The following CDK14 variants were observed in gnomAD, a reference collection of about 807,000 sequenced individuals.
The protein encoded by CDK14 is cyclin dependent kinase 14, also known as cyclin-dependent kinase 14.
A neutral mutation model predicts 60.7 loss-of-function variants in CDK14; 34 were observed. That is an observed-to-expected ratio of 0.56 (90% CI 0.43 to 0.75). The LOEUF (loss-of-function observed/expected upper bound fraction) is 0.75. Ranked by LOEUF, CDK14 falls within the 30% of genes least tolerant of loss-of-function variation. The probability of loss-of-function intolerance (pLI) is 0.00; values close to 1 mark genes in which losing one functional copy is unlikely to be tolerated. For synonymous variants in CDK14, 197 were observed against 203.7 expected, an observed-to-expected ratio of 0.97 and a Z score of 0.28; for missense variants, 482 against 564.1, an observed-to-expected ratio of 0.85 and a Z score of 1.47.
intron 14 of CDK14, among the ~76,000 whole-genome samples, chr7:91,177,566 G>T (rs1489300892): frequency 6.6e-6 from 1 of 152,112 alleles, no homozygotes; most frequent in East Asian, 1.9e-4. Context: ...AAACCCCATT[G>T]TCTCAGCCCG....
intron 2 of CDK14, among the ~76,000 whole-genome samples, chr7:90,613,286 C>T (rs560743537): frequency 9.9e-4 from 151 of 152,320 alleles, no homozygotes; most frequent in African/African-American, 3.6e-3. Context: ...GTAGTGTCCT[C>T]TTTCCGTTGT....
intron 5 of CDK14, among the ~76,000 whole-genome samples, chr7:90,809,191 C>G (rs897320638): frequency 1.3e-5 from 2 of 152,162 alleles, no homozygotes; most frequent in Non-Finnish European, 2.9e-5. Flanking sequence ...CCACACCACA[C>G]CTATTCCAAA....
At chr7:91,138,867 G>T (rs1441156349) in intron 14 of CDK14, among the ~76,000 whole-genome samples, 1 of 152,032 alleles carries the variant, frequency 6.6e-6, no homozygotes, top group Non-Finnish European at 1.5e-5. Context: ...TTGGAAACAG[G>T]GACTCCAGCA....
intron 2 of CDK14, among the ~76,000 whole-genome samples, chr7:90,615,439 G>C (rs1799631377): frequency 6.6e-6 from 1 of 152,202 alleles, no homozygotes; most frequent in Non-Finnish European, 1.5e-5. Context: ...ATGTTTTTCA[G>C]AGTTTGGGAA....
chr7:90,811,650 C>G (rs1583997198), intron 5 of CDK14, among the ~76,000 whole-genome samples: 2 of 151,554 alleles, frequency 1.3e-5, no homozygotes, highest in South Asian at 4.2e-4. Flanking sequence ...TTCTGCACAG[C>G]AAAAGAAACT....
intron 9 of CDK14, among the ~76,000 whole-genome samples, chr7:90,973,438 T>C (rs1394307167): frequency 1.3e-5 from 2 of 152,130 alleles, no homozygotes; most frequent in Admixed American, 1.3e-4. Context: ...AACACATGGA[T>C]GCAATAAAAA....
At position 91,078,051 on chromosome 7, in the gene CDK14, C is replaced by T. The variant is rs538524754; in HGVS notation, c.1106-1381C>T. ...TGGAGAAAGTGACATACTTTTTCAT[C>T]ACTGGTGGGAAAATGAAAAGTACTC... On this transcript the variant is annotated intron_variant, in intron 11 of 14. Transcript: ENST00000380050. Among the ~76,000 whole-genome samples, 9 of 152,256 alleles carry T rather than the reference C, an allele frequency of 5.9e-5. No individual in the cohort carries two copies. In the South Asian group the frequency reaches 1.9e-3, roughly 32 times the overall value.
At chr7:91,005,548 T>G (rs898309433) in intron 10 of CDK14, among the ~76,000 whole-genome samples, 2 of 152,224 alleles carry the variant, frequency 1.3e-5, no homozygotes, top group South Asian at 4.1e-4. Flanking sequence ...TATCATTTTA[T>G]TATTAACCAA....
At chr7:90,867,971 A>T (rs77761467) in intron 6 of CDK14, among the ~76,000 whole-genome samples, 4,484 of 135,322 alleles carry the variant, frequency 0.033, 206 homozygotes, top group East Asian at 0.18. Context: ...ACATAAAATT[A>T]AAAAAAAAAA....
intron 5 of CDK14, among the ~76,000 whole-genome samples, chr7:90,804,563 G>A (rs1284424105): frequency 6.6e-6 from 1 of 152,070 alleles, no homozygotes; most frequent in Non-Finnish European, 1.5e-5. Context: ...TATGTAAATT[G>A]CCACAATTGT....
intron 7 of CDK14, among the ~76,000 whole-genome samples, chr7:90,902,001 A>C (rs911741235): frequency 2.0e-5 from 3 of 152,130 alleles, no homozygotes; most frequent in Non-Finnish European, 4.4e-5. Flanking sequence ...AAAACAATTT[A>C]ATTTATAATA....
chr7:90,913,923 C>T lies in CDK14; in HGVS notation c.703-3678C>T, dbSNP rs559610277. Among the ~76,000 whole-genome samples, 7 of 152,238 alleles carry T rather than the reference C, an allele frequency of 4.6e-5. No individual in the cohort carries two copies. In the South Asian group the frequency reaches 1.2e-3, roughly 27 times the overall value. On this transcript the variant is annotated intron_variant, in intron 7 of 14. Coordinates refer to ENST00000380050, the MANE Select transcript of CDK14 (RefSeq NM_001287135.2). ...GAGTGGGGCAGAAGGTCAAAGAGAC[C>T]TTCAAGCTTCTTCAGTTCAGCATGT...
At position 91,197,297 on chromosome 7, in the gene CDK14, G is replaced by A. The variant is rs184896656; in HGVS notation, c.*29-9868G>A. On this transcript the variant is annotated intron_variant, in intron 14 of 14. Coordinates refer to ENST00000380050, the MANE Select transcript of CDK14 (RefSeq NM_001287135.2). ...TGCCTGTAGTCCCAGCTACTCTGGA[G>A]GCTGGGGCAGGAGAATCACGTGAAC... 2.6e-5 allele frequency among the ~76,000 whole-genome samples: 4 copies of A among 152,010 alleles called. No individual in the cohort carries two copies. In the East Asian group the frequency reaches 5.8e-4, roughly 22 times the overall value.
At chr7:90,852,499 T>TA (rs1435889730) in intron 5 of CDK14, among the ~76,000 whole-genome samples, 1 of 47,312 alleles carries the variant, frequency 2.1e-5, no homozygotes, top group African/African-American at 9.1e-5. Flanking sequence ...GCAGAAAAGT[T>TA]AAACAGTTAA....
intron 2 of CDK14, among the ~76,000 whole-genome samples, chr7:90,625,574 G>T (rs1387037642): frequency 6.6e-6 from 1 of 152,142 alleles, no homozygotes; most frequent in Non-Finnish European, 1.5e-5. Flanking sequence ...TATTTTAAAT[G>T]TAATATTTTT....
intron 14 of CDK14, among the ~76,000 whole-genome samples, chr7:91,139,774 T>C (rs1800390926): frequency 7.1e-6 from 1 of 140,580 alleles, no homozygotes; most frequent in East Asian, 2.4e-4. Context: ...TTTTCTTTTC[T>C]TTTTTTCTTT....
At chr7:90,614,750 C>G (rs1402362791) in intron 2 of CDK14, among the ~76,000 whole-genome samples, 3 of 151,994 alleles carry the variant, frequency 2.0e-5, no homozygotes, top group African/African-American at 7.2e-5. Flanking sequence ...ACCTGGCTGT[C>G]TTTTAGTTTT....
chr7:90,858,852 G>A (rs1790914482), intron 5 of CDK14, among the ~76,000 whole-genome samples: 1 of 152,134 alleles, frequency 6.6e-6, no homozygotes, highest in African/African-American at 2.4e-5. Context: ...AAGGCTACTG[G>A]GCTAGTTGAA....
At chr7:90,981,684 G>A (rs1484197727) in intron 9 of CDK14, among the ~76,000 whole-genome samples, 1 of 152,178 alleles carries the variant, frequency 6.6e-6, no homozygotes, top group African/African-American at 2.4e-5. Context: ...GGGTGCAGGA[G>A]TGGAAGAAGT....
Sources: allele counts gnomAD v4.1 joint callset (sites outside exome capture counted in the v4.1 genomes callset), GRCh38; gene constraint gnomAD v4.1.1; transcripts MANE v1.5; gene names NCBI Gene and HGNC (gene_info 2026-07-23, HGNC 2026-07-21).